Variants in RGS9 observed in about 807,000 individuals in gnomAD.
RGS9 encodes regulator of G-protein signalling 9.
Under a neutral mutation model 102.0 loss-of-function variants are expected in RGS9, and 78 were observed. That is an observed-to-expected ratio of 0.76 (90% confidence interval 0.64 to 0.92). The LOEUF (loss-of-function observed/expected upper bound fraction) is 0.92, where lower values mean the gene tolerates loss of function less well. Among genes scored for constraint, RGS9 ranks in the 40% least tolerant of loss-of-function variants. RGS9 has a pLI of 0.00. For missense variants in RGS9, 833 were observed against 866.1 expected (o/e 0.96, Z 0.48); for synonymous variants, 353 against 318.6 (o/e 1.11, Z -1.15).
At chr17:65,163,176 A>ATT in intron 7 of RGS9, 87 bp downstream of exon 7, 1 of 655,250 alleles carries the variant, frequency 1.5e-6, no homozygotes, top group Non-Finnish European at 2.4e-6. Context: ...TTTATTTTTT[A>ATT]TTTTTATTTT....
intron 1 of RGS9, among the ~76,000 whole-genome samples, chr17:65,142,688 T>G (rs1396998380): frequency 1.3e-5 from 2 of 151,654 alleles, no homozygotes; most frequent in Non-Finnish European, 2.9e-5. Context: ...GTTCAAGTGA[T>G]TCTCCTGCCT....
At position 65,188,484 on chromosome 17, in the gene RGS9, T is replaced by C. The variant is rs562266869; in HGVS notation, c.655-802T>C. Among the ~76,000 whole-genome samples, 3 of 152,326 alleles carry C rather than the reference T, an allele frequency of 2.0e-5. No individual in the cohort carries two copies. In the South Asian group the frequency reaches 6.2e-4, roughly 32 times the overall value. On this transcript the variant is annotated intron_variant, in intron 9 of 18. Coordinates refer to ENST00000262406, the MANE Select transcript of RGS9 (RefSeq NM_003835.4). ...TAACATTGGTTTAGTTTTCAACTTATATTATTGGTCAAATTGTTATGACTA... is the reference window on the plus strand; with the variant it reads ...TAACATTGGTTTAGTTTTCAACTTACATTATTGGTCAAATTGTTATGACTA...
chr17:65,208,957 A>G (rs1913179682), intron 16 of RGS9, among the ~76,000 whole-genome samples: 1 of 152,248 alleles, frequency 6.6e-6, no homozygotes, highest in Non-Finnish European at 1.5e-5. Context: ...TGGGTTTACC[A>G]AGTAAGGAAG....
intron 6 of RGS9, among the ~76,000 whole-genome samples, chr17:65,161,977 C>T (rs1215175138): frequency 4.6e-5 from 7 of 152,004 alleles, no homozygotes; most frequent in East Asian, 1.9e-4. Context: ...GGATTACAGG[C>T]GTGAGCCACC....
chr17:65,201,885 C>T, intron 13 of RGS9, 108 bp from the exon 14 acceptor site: 1 of 770,654 alleles, frequency 1.3e-6, no homozygotes. Flanking sequence ...GTTCACTGAG[C>T]TGGGAAATGG....
In RGS9 at chr17:65,145,259, T is replaced by G. The variant is rs528629998; in HGVS notation, c.57+7662T>G. Among the ~76,000 whole-genome samples, 58 of 151,630 alleles carry G rather than the reference T, an allele frequency of 3.8e-4. 2 individuals are homozygous for G. In the South Asian group the frequency reaches 0.011, roughly 29 times the overall value. ...GTGCCCCCCACCACGCCTGGCTAATTTTTTTGTATTTTTAGTAGAGATGGG... is the reference window on the plus strand; with the variant it reads ...GTGCCCCCCACCACGCCTGGCTAATGTTTTTGTATTTTTAGTAGAGATGGG... On this transcript the variant is annotated intron_variant, in intron 1 of 18. Coordinates refer to ENST00000262406, the MANE Select transcript of RGS9 (RefSeq NM_003835.4).
At chr17:65,155,362 A>T (rs1910729626) in intron 2 of RGS9, among the ~76,000 whole-genome samples, 1 of 152,202 alleles carries the variant, frequency 6.6e-6, no homozygotes. Context: ...CATCTGGGTA[A>T]TCCCAATGCT....
Position 65,173,565 on chromosome 17 carries a change from C to T in RGS9, c.583-4167C>T, listed in dbSNP as rs1323931961. Among the ~76,000 whole-genome samples, 2 of 152,238 alleles carry T rather than the reference C, an allele frequency of 1.3e-5. No individual in the cohort carries two copies. The highest frequency in any genetic ancestry group is 6.5e-5 in the Admixed American group (1 of 15,284). On this transcript the variant is annotated intron_variant, in intron 8 of 18. Coordinates refer to ENST00000262406, the MANE Select transcript of RGS9 (RefSeq NM_003835.4). This position sits in a 1 kb window ranked among gnomAD's most constrained non-coding sequence, Gnocchi z 4.8. The stretch of plus-strand genomic sequence containing the variant: ...GTTGTTTGTGGGGGGCGGGGTCATA[C>T]CCTGGTGTTCACAGTTCCTCAGGGT...
At chr17:65,177,246 A>G (rs747409770) in intron 8 of RGS9, among the ~76,000 whole-genome samples, 5 of 148,696 alleles carry the variant, frequency 3.4e-5, no homozygotes, top group Non-Finnish European at 5.9e-5. Flanking sequence ...TCATTCATCC[A>G]TCCACCCATC....
At chr17:65,172,954 G>A (rs1189294276) in intron 8 of RGS9, among the ~76,000 whole-genome samples, 5 of 147,128 alleles carry the variant, frequency 3.4e-5, no homozygotes, top group African/African-American at 1.3e-4. Flanking sequence ...ATGGAGTGTT[G>A]CCCTATTGCC....
intron 6 of RGS9, among the ~76,000 whole-genome samples, chr17:65,162,317 G>T (rs920980743): frequency 2.6e-5 from 4 of 152,078 alleles, no homozygotes; most frequent in African/African-American, 9.7e-5. Flanking sequence ...AGGAGTTTGA[G>T]GCTGCAGTGA....
intron 12 of RGS9, among the ~76,000 whole-genome samples, chr17:65,196,496 G>A (rs370014155): frequency 2.9e-4 from 44 of 152,302 alleles, no homozygotes; most frequent in African/African-American, 1.0e-3. Context: ...AGCTGGGCTC[G>A]AATATCCTAC....
At chr17:65,175,474 A>G (rs1378432581) in intron 8 of RGS9, among the ~76,000 whole-genome samples, 1 of 152,124 alleles carries the variant, frequency 6.6e-6, no homozygotes, top group African/African-American at 2.4e-5. Context: ...CACCTGTCTC[A>G]ACTCTAATTT....
chr17:65,154,179 T>C (rs1451312940), intron 2 of RGS9, among the ~76,000 whole-genome samples: 1 of 151,962 alleles, frequency 6.6e-6, no homozygotes, highest in Admixed American at 6.6e-5. Flanking sequence ...TGGTGGTGCA[T>C]GCCTGTAATC....
intron 5 of RGS9, 129 bp downstream of exon 5, chr17:65,160,716 T>C: frequency 1.4e-6 from 2 of 1,385,268 alleles, no homozygotes; most frequent in Non-Finnish European, 2.0e-6. Flanking sequence ...GTACTGGGCA[T>C]GTCCCCAGGG....
intron 18 of RGS9, 88 bp downstream of exon 18, chr17:65,225,574 G>A (rs1905627726): frequency 6.3e-7 from 1 of 1,583,866 alleles, no homozygotes. Flanking sequence ...TTGGGCTGGG[G>A]ACTGGGATGG....
Position 65,224,972 on chromosome 17 carries a change from C to T in RGS9, c.1408-30C>T, listed in dbSNP as rs774568310. 7.4e-6 allele frequency: 12 copies of T among 1,612,198 alleles called. No individual in the cohort carries two copies. In the East Asian group the frequency reaches 2.5e-4, roughly 33 times the overall value. ...TGCTGGCTGGGGCCATGCAACTCACCACTGAGCTCTCTCCTTTCCTTCTCT... is the reference window on the plus strand; with the variant it reads ...TGCTGGCTGGGGCCATGCAACTCACTACTGAGCTCTCTCCTTTCCTTCTCT... On this transcript the variant is annotated intron_variant, in intron 17 of 18. Transcript: ENST00000262406.
At chr17:65,141,271 T>A (rs924227847) in intron 1 of RGS9, among the ~76,000 whole-genome samples, 4 of 152,190 alleles carry the variant, frequency 2.6e-5, no homozygotes, top group Non-Finnish European at 5.9e-5. Flanking sequence ...TGGCCTCCTG[T>A]GGTTCCAGCA....
At chr17:65,182,353 C>T (rs1014069453) in intron 9 of RGS9, among the ~76,000 whole-genome samples, 1 of 152,218 alleles carries the variant, frequency 6.6e-6, no homozygotes, top group Non-Finnish European at 1.5e-5. Context: ...GTGCGCCACC[C>T]TTTGTAACGG....
Sources: allele counts gnomAD v4.1 joint callset (sites outside exome capture counted in the v4.1 genomes callset), GRCh38; gene constraint gnomAD v4.1.1; non-coding constraint Gnocchi (gnomAD v3.1); transcripts MANE v1.5; gene names NCBI Gene and HGNC (gene_info 2026-07-23, HGNC 2026-07-21).